The following XPC variants were observed in gnomAD, a reference collection of about 807,000 sequenced individuals.
The protein encoded by XPC is DNA repair protein complementing XP-C cells.
In XPC, 76 loss-of-function variants were observed where a neutral mutation model predicts 95.8. The ratio of observed to expected loss-of-function variants is 0.79; its 90% CI spans 0.66 to 0.96. The LOEUF (loss-of-function observed/expected upper bound fraction) is 0.96. Ranked by LOEUF, XPC falls within the 40% of genes least tolerant of loss-of-function variation. The pLI, the probability that XPC is intolerant of heterozygous loss-of-function variation, is 0.00. For missense variants in XPC, 1,146 were observed against 1,179.8 expected (o/e 0.97, Z 0.42); for synonymous variants, 442 against 442.1 (o/e 1.00, Z 0.00).
chr3:14,173,770 A>G (rs1329552525), intron 1 of XPC, among the ~76,000 whole-genome samples: 1 of 152,204 alleles, frequency 6.6e-6, no homozygotes. Flanking sequence ...TTAATAGATT[A>G]GTTTTAACAA....
At chr3:14,156,622 T>C (rs1695922065) in intron 9 of XPC, 127 bp from the exon 10 acceptor site, 1 of 1,314,600 alleles carries the variant, frequency 7.6e-7, no homozygotes, top group Non-Finnish European at 1.1e-6. Context: ...TGAACACTAA[T>C]GGTTTTGTAA....
chr3:14,168,392 C>A lies in XPC; in HGVS notation c.413-12G>T. ...AGGCTCACTAAGTTCTATCAACAAG[C>A]ATTTTTAAAAATCAGTAATAGTAAT... On this transcript the variant is annotated splice_polypyrimidine_tract_variant and intron_variant, in intron 3 of 15. Coordinates refer to ENST00000285021, the MANE Select transcript of XPC (RefSeq NM_004628.5). The A allele has an allele frequency of 6.2e-7, 1 of 1,613,438 alleles. No homozygotes were observed. Among genetic ancestry groups the A allele is most frequent in the African/African-American group, 1.3e-5 (1 of 75,000 alleles).
Position 14,163,226 on chromosome 3 carries a change from A to G in XPC, c.900+1587T>C, listed in dbSNP as rs371528833. On this transcript the variant is annotated intron_variant, in intron 7 of 15. Transcript: ENST00000285021. ...TCCAAAAATTACATATAGAATATAC[A>G]TATGACCTAGCAATTTCAATCCTAG... 2.1e-3 allele frequency among the ~76,000 whole-genome samples: 324 copies of G among 152,374 alleles called. 1 individual carries two copies. Among genetic ancestry groups the G allele is most frequent in the African/African-American group, 7.5e-3 (311 of 41,592 alleles).
At chr3:14,157,717 C>G (rs1163303080) in intron 9 of XPC, among the ~76,000 whole-genome samples, 1 of 152,104 alleles carries the variant, frequency 6.6e-6, no homozygotes, top group Non-Finnish European at 1.5e-5. Context: ...ATATTACTTG[C>G]ATAAATTATT....
chr3:14,149,340 C>T (rs911553879), intron 11 of XPC, among the ~76,000 whole-genome samples: 15 of 152,204 alleles, frequency 9.9e-5, no homozygotes, highest in African/African-American at 2.7e-4. Flanking sequence ...TCGCCTCAAC[C>T]TCCCAAAGGG....
At chr3:14,171,170 T>C (rs756004419) in intron 2 of XPC, among the ~76,000 whole-genome samples, 2 of 152,330 alleles carry the variant, frequency 1.3e-5, no homozygotes, top group South Asian at 4.1e-4. Flanking sequence ...AATATATTTC[T>C]GCAAATTCAT....
intron 1 of XPC, among the ~76,000 whole-genome samples, chr3:14,175,309 C>G (rs913868973): frequency 1.3e-5 from 2 of 152,156 alleles, no homozygotes; most frequent in East Asian, 1.9e-4. Context: ...TCCCATTTAG[C>G]TGCCTCTCCC....
At chr3:14,148,457 C>G (rs1014435046) in intron 13 of XPC, 105 bp downstream of exon 13, 17 of 1,466,268 alleles carry the variant, frequency 1.2e-5, no homozygotes, top group Admixed American at 2.5e-5. Flanking sequence ...ATTGGAGCCA[C>G]CAGGCCTCAA....
chr3:14,168,223 T>A (rs1214497170), intron 4 of XPC, 34 bp downstream of exon 4: 2 of 1,585,226 alleles, frequency 1.3e-6, no homozygotes, highest in Admixed American at 1.9e-5. Flanking sequence ...CTACTGCATG[T>A]GACAGGAGCC....
chr3:14,148,783 T>C lies in XPC; in HGVS notation c.2250+31A>G, dbSNP rs374879437. ...TGGCCAGCAGGGGAACAAGGCGGCC[T>C]GGTCCTGAGCCCTTCTGATGCTGCC... is the stretch of plus-strand genomic sequence containing the variant. On this transcript the variant is annotated intron_variant, in intron 12 of 15. Coordinates refer to ENST00000285021, the MANE Select transcript of XPC (RefSeq NM_004628.5). 26 of 1,613,536 alleles carry C rather than the reference T, an allele frequency of 1.6e-5. No homozygotes were observed. The African/African-American group carries it at 3.3e-4, about 21-fold the overall frequency.
intron 5 of XPC, 128 bp downstream of exon 5, chr3:14,167,041 C>A (rs1015261888): frequency 5.4e-6 from 4 of 734,326 alleles, no homozygotes; most frequent in Non-Finnish European, 6.2e-6. Flanking sequence ...GATGAGGATG[C>A]AAAGGCTCAG....
intron 7 of XPC, among the ~76,000 whole-genome samples, chr3:14,160,484 T>G (rs1696126033): frequency 6.6e-6 from 1 of 152,218 alleles, no homozygotes; most frequent in South Asian, 2.1e-4. Flanking sequence ...CCAGCATCTC[T>G]CCTTGATTAC....
intron 10 of XPC, among the ~76,000 whole-genome samples, chr3:14,153,676 T>C (rs1217877235): frequency 6.6e-6 from 1 of 152,218 alleles, no homozygotes; most frequent in Non-Finnish European, 1.5e-5. Flanking sequence ...GTTAGGTATA[T>C]TAAATGCATT....
rs777241709 is a variant in XPC at position 14,165,438 on chromosome 3, G to T, written c.769C>A (p.Leu257Met). 4 of 1,594,424 alleles carry T rather than the reference G, an allele frequency of 2.5e-6. No individual in the cohort carries two copies. The highest frequency in any genetic ancestry group is 3.4e-6 in the Non-Finnish European group (4 of 1,170,084). ...AGCGGAGGGCCTTACCACTTCACCA[G>T]GTTTGAGAGGTAGTAGGTGTCCACA... Reference protein sequence around the residue: ...RDVDTYYLSNLVKWFIGTFTV... With the variant: ...RDVDTYYLSNMVKWFIGTFTV... Residue 257 changes from leucine (L) to methionine (M), a missense_variant, in exon 6 of 16, where the codon CTG becomes ATG. Leu to Met is a conservative substitution (Grantham distance 15). Transcript: ENST00000285021.
At chr3:14,152,080 A>C (rs1386747914) in intron 11 of XPC, among the ~76,000 whole-genome samples, 1 of 152,048 alleles carries the variant, frequency 6.6e-6, no homozygotes, top group East Asian at 1.9e-4. Flanking sequence ...TCACAACAGG[A>C]GTCTGAGGCC....
intron 1 of XPC, among the ~76,000 whole-genome samples, chr3:14,178,094 G>A (rs1559387679): frequency 6.6e-6 from 1 of 150,414 alleles, no homozygotes; most frequent in Non-Finnish European, 1.5e-5. Context: ...CTCAGCTGAA[G>A]TTATCATTCG....
At position 14,165,702 on chromosome 3, in the gene XPC, A is replaced by T. The variant is rs1026428260; in HGVS notation, c.622-117T>A. ...AAGAAATATGTGTTGCCATTTCTAC[A>T]TATAAGAAAGTAAAAACACTAGCAT... On this transcript the variant is annotated intron_variant, in intron 5 of 15. Transcript: ENST00000285021. 1.1e-4 allele frequency: 141 copies of T among 1,287,982 alleles called. No homozygotes were observed. The African/African-American group carries it at 1.9e-3, about 18-fold the overall frequency. The allele number at this position is 1,287,982 out of a possible 1,614,324, so 79.8% of individuals were successfully genotyped here.
Position 14,178,458 on chromosome 3 carries a change from G to A in XPC, c.103+8C>T. The A allele has an allele frequency of 1.2e-6, 2 of 1,602,672 alleles. No homozygotes were observed. Among genetic ancestry groups the A allele is most frequent in the Non-Finnish European group, 1.7e-6 (2 of 1,174,404 alleles). ...TCTCCCGCGAAGCCCGCTGGGCCTC[G>A]CTCTCACCCTCCTCCTCCTCCTCAC... On this transcript the variant is annotated splice_region_variant and intron_variant, in intron 1 of 15. Transcript: ENST00000285021.
Position 14,148,611 on chromosome 3 carries a change from C to T in XPC, c.2371G>A (p.Val791Ile). The change falls in exon 13 of 16, where the codon GTC becomes ATC. Residue 791 changes from valine (V) to isoleucine (I), a missense_variant. Val to Ile is a conservative substitution (Grantham distance 29). Transcript: ENST00000285021. ...AAATCAAAGCCAGTGATGGCCTGGA[C>T]ACAGTCGATGTCCAGCTTGCGGGCC... ...RVARKLDIDCVQAITGFDFHG... is the reference protein window; with the variant it reads ...RVARKLDIDCIQAITGFDFHG... 1.9e-6 allele frequency: 3 copies of T among 1,614,050 alleles called. No individual in the cohort carries two copies. The highest frequency in any genetic ancestry group is 2.5e-6 in the Non-Finnish European group (3 of 1,179,902).
Sources: allele counts gnomAD v4.1 joint callset (sites outside exome capture counted in the v4.1 genomes callset), GRCh38; gene constraint gnomAD v4.1.1; transcripts MANE v1.5; gene names NCBI Gene and HGNC (gene_info 2026-07-23, HGNC 2026-07-21).